Variants in USH2A observed in about 807,000 individuals in gnomAD.
The protein encoded by USH2A is usherin, also known as Usher syndrome 2A (autosomal recessive, mild).
Under a neutral mutation model 538.9 loss-of-function variants are expected in USH2A, and 443 were observed. That is an observed-to-expected ratio of 0.82 (90% confidence interval 0.76 to 0.89). USH2A has a LOEUF of 0.89. Ranked by LOEUF, USH2A falls within the 40% of genes least tolerant of loss-of-function variation. The pLI is 0.00. For missense variants in USH2A, 6,633 were observed against 6,324.8 expected, an observed-to-expected ratio of 1.05 and a Z score of -1.65; for synonymous variants, 2,413 against 2,273.5, an observed-to-expected ratio of 1.06 and a Z score of -1.75.
intron 67 of USH2A, 50 bp downstream of exon 67, chr1:215,647,472 T>G: frequency 6.2e-7 from 1 of 1,610,540 alleles, no homozygotes; most frequent in East Asian, 2.2e-5. Context: ...AAGCTTCTCC[T>G]GACCACATTC....
intron 38 of USH2A, among the ~76,000 whole-genome samples, chr1:215,915,286 G>A (rs921299938): frequency 2.0e-5 from 3 of 151,952 alleles, no homozygotes; most frequent in Admixed American, 6.6e-5. Context: ...AGACATAAAA[G>A]GTAGCTAGCC....
intron 4 of USH2A, among the ~76,000 whole-genome samples, chr1:216,332,508 A>C (rs1472796364): frequency 6.6e-6 from 1 of 152,174 alleles, no homozygotes; most frequent in Admixed American, 6.5e-5. Flanking sequence ...GTATATGCGC[A>C]TGCTAAAGAA....
rs182433092 is a variant in USH2A at position 215,682,830 on chromosome 1, C to G, written c.12067-2454G>C. Among the ~76,000 whole-genome samples, 13 of 151,106 alleles carry G rather than the reference C, an allele frequency of 8.6e-5. No individual in the cohort carries two copies. The East Asian group carries it at 2.1e-3, about 25-fold the overall frequency. On this transcript the variant is annotated intron_variant, in intron 61 of 71. Coordinates refer to ENST00000307340, the MANE Select transcript of USH2A (RefSeq NM_206933.4). ...CTGTATCATGAAATTATACTGAGGA[C>G]AAGTTCTCATATTACATTATTTATT...
chr1:216,337,174 A>G (rs975055601), intron 4 of USH2A, among the ~76,000 whole-genome samples: 2 of 151,506 alleles, frequency 1.3e-5, no homozygotes, highest in Non-Finnish European at 3.0e-5. Flanking sequence ...CTTAATATTA[A>G]TGATGACAAT....
At chr1:215,868,076 A>G (rs2102441674) in intron 43 of USH2A, among the ~76,000 whole-genome samples, 2 of 152,300 alleles carry the variant, frequency 1.3e-5, no homozygotes, top group South Asian at 4.1e-4. Flanking sequence ...TCCAGGACAC[A>G]GGGCAAACAC....
Position 216,347,465 on chromosome 1 carries a change from A to T in USH2A, c.784+17488T>A, listed in dbSNP as rs117802717. Among the ~76,000 whole-genome samples, 1,073 of 152,194 alleles carry T rather than the reference A, an allele frequency of 7.1e-3. 19 individuals carry two copies. The highest frequency in any genetic ancestry group is 0.036 in the East Asian group (187 of 5,162). ...AAGTATGTCTTCTTCTGACCTAATT[A>T]ATCTCTTAGCTATTAGGTGGCCTAA... On this transcript the variant is annotated intron_variant, in intron 4 of 71. Transcript: ENST00000307340.
At chr1:215,934,102 A>C (rs569353364) in intron 38 of USH2A, among the ~76,000 whole-genome samples, 12 of 152,030 alleles carry the variant, frequency 7.9e-5, no homozygotes, top group Non-Finnish European at 1.5e-5. Flanking sequence ...AGGATCAGGA[A>C]TTTAAAGGTG....
intron 61 of USH2A, among the ~76,000 whole-genome samples, chr1:215,693,432 TAAGTTAA>T (rs1658689847): frequency 6.6e-6 from 1 of 152,140 alleles, no homozygotes; most frequent in African/African-American, 2.4e-5. Flanking sequence ...GAGGCTTAGA[TAAGTTAA>T]ATGTCTTACC....
intron 4 of USH2A, among the ~76,000 whole-genome samples, chr1:216,341,833 A>G (rs1443697151): frequency 6.6e-6 from 1 of 152,176 alleles, no homozygotes; most frequent in Admixed American, 6.6e-5. Flanking sequence ...TACACCTTAC[A>G]CAAAAATTGA....
intron 21 of USH2A, among the ~76,000 whole-genome samples, chr1:216,101,567 TAAG>T (rs1558259155): frequency 6.6e-6 from 1 of 152,214 alleles, no homozygotes; most frequent in African/African-American, 2.4e-5. Context: ...GGCCCAGGAA[TAAG>T]AAGAGCTGTG....
At chr1:216,330,228 A>G (rs1268804536) in intron 4 of USH2A, among the ~76,000 whole-genome samples, 1 of 152,126 alleles carries the variant, frequency 6.6e-6, no homozygotes, top group East Asian at 1.9e-4. Flanking sequence ...ACAATCAGTT[A>G]ACAACAACAA....
intron 20 of USH2A, 45 bp from the exon 21 acceptor site, chr1:216,175,527 G>T: frequency 2.6e-6 from 4 of 1,559,070 alleles, no homozygotes; most frequent in Non-Finnish European, 3.5e-6. Flanking sequence ...TTTGGTTTCT[G>T]TCTCTAGACA....
chr1:215,773,077 G>A (rs1661339274), intron 55 of USH2A, among the ~76,000 whole-genome samples: 1 of 152,154 alleles, frequency 6.6e-6, no homozygotes, highest in Admixed American at 6.5e-5. Flanking sequence ...AGGTATGGGA[G>A]TCCTCGGTAA....
At chr1:216,401,685 C>A (rs1411302316) in intron 3 of USH2A, among the ~76,000 whole-genome samples, 1 of 151,750 alleles carries the variant, frequency 6.6e-6, no homozygotes, top group African/African-American at 2.4e-5. Flanking sequence ...CAGAACAAAC[C>A]AAATATCTAG....
chr1:215,661,500 C>G (rs1461326032), intron 64 of USH2A, among the ~76,000 whole-genome samples: 1 of 152,134 alleles, frequency 6.6e-6, no homozygotes, highest in Non-Finnish European at 1.5e-5. Flanking sequence ...TCTCTTAATT[C>G]TACCCACACC....
chr1:215,671,110 T>C lies in USH2A; in HGVS notation c.13995A>G (p.Gly4665=), dbSNP rs138384519. The part of the protein sequence containing the change: ...LLWTGPLQPN[G]KVLYYELYRR... ...TGTATAATTCGTAATACAAAACTTT[T>C]CCATTTGGCTGCAGCGGTCCTGTCC... Residue 4665 remains glycine, a synonymous_variant, in exon 64 of 72, where the codon GGA becomes GGG. Transcript: ENST00000307340. 6.2e-6 allele frequency: 10 copies of C among 1,614,166 alleles called. No homozygotes were observed. Among genetic ancestry groups the C allele is most frequent in the Non-Finnish European group, 7.6e-6 (9 of 1,180,018 alleles).
At chr1:216,112,945 A>T (rs2032911008) in intron 21 of USH2A, among the ~76,000 whole-genome samples, 1 of 151,954 alleles carries the variant, frequency 6.6e-6, no homozygotes, top group African/African-American at 2.4e-5. Flanking sequence ...GGGTAGAATG[A>T]TTTATATTCT....
chr1:215,713,431 T>C (rs1659396172), intron 61 of USH2A, among the ~76,000 whole-genome samples: 1 of 152,158 alleles, frequency 6.6e-6, no homozygotes, highest in South Asian at 2.1e-4. Flanking sequence ...TAGGCATCTC[T>C]TGGGAGTATT....
intron 43 of USH2A, among the ~76,000 whole-genome samples, chr1:215,874,151 C>A (rs905914241): frequency 7.2e-5 from 11 of 152,292 alleles, no homozygotes; most frequent in Admixed American, 2.6e-4. Flanking sequence ...CTCACTTCGG[C>A]AGCTTCAGAT....
Sources: gnomAD v4.1 joint callset for allele counts (sites outside exome capture counted in the v4.1 genomes callset) on GRCh38, gnomAD v4.1.1 for gene constraint, MANE v1.5 for transcripts, NCBI Gene and HGNC (gene_info 2026-07-23, HGNC 2026-07-21) for gene names.